ANK2: variants seen among roughly 807,000 people sequenced by gnomAD.
ANK2 encodes ankyrin-2.
ANK2 carries 83 observed loss-of-function variants against 360.5 expected under a neutral mutation model. The ratio of observed to expected loss-of-function variants is 0.23; its 90% CI spans 0.19 to 0.28. ANK2 has a LOEUF of 0.28. Ranked by LOEUF, ANK2 falls within the 10% of genes least tolerant of loss-of-function variation. The pLI is 1.00. For synonymous variants in ANK2, 1,740 were observed against 1,759.5 expected, an observed-to-expected ratio of 0.99 and a Z score of 0.28; for missense variants, 4,201 against 4,795.7, an observed-to-expected ratio of 0.88 and a Z score of 3.66.
At chr4:112,935,150 G>A (rs945935679) in intron 2 of ANK2, among the ~76,000 whole-genome samples, 7 of 150,458 alleles carry the variant, frequency 4.7e-5, no homozygotes, top group Non-Finnish European at 8.8e-5. Context: ...TGTGTGTAGG[G>A]TGCAGTTGGG....
the ANK2 span, among the ~76,000 whole-genome samples, chr4:112,779,365 A>G: frequency 2.0e-5 from 3 of 152,134 alleles, no homozygotes; most frequent in South Asian, 6.2e-4. Flanking sequence ...GAAAAATAGA[A>G]AAAATTAGCC....
chr4:113,070,971 T>C (rs1246107266), intron 1 of ANK2, among the ~76,000 whole-genome samples: 1 of 151,742 alleles, frequency 6.6e-6, no homozygotes, highest in African/African-American at 2.4e-5. Context: ...GTAATGGTGA[T>C]GGATAAAGGA....
In ANK2 at chr4:113,383,273, GGGA is replaced by G. The variant is rs1202152089; in HGVS notation, c.*1805_*1807del. ...TGCCAAGAGAAAAAATTTCCTGGGA[GGGA>G]GGTTTCCCACAAGCCAAATCTCCTA... On this transcript the variant is annotated 3_prime_UTR_variant, in exon 46 of 46. Transcript: ENST00000357077. The G allele has an allele frequency of 6.6e-6, 1 of 152,594 alleles. No individual in the cohort carries two copies. The highest frequency in any genetic ancestry group is 2.4e-5 in the African/African-American group (1 of 41,436). The allele number at this position is 152,594 out of a possible 1,614,324, so 9.5% of individuals were successfully genotyped here. A position where few individuals can be genotyped will look rare whatever the true frequency, so the allele number is the denominator to read the frequency against.
At chr4:112,915,669 C>T (rs1330898109) in intron 2 of ANK2, among the ~76,000 whole-genome samples, 2 of 151,740 alleles carry the variant, frequency 1.3e-5, no homozygotes, top group Non-Finnish European at 2.9e-5. Context: ...GTGGGAGGAG[C>T]CCTTGAGCCT....
At chr4:112,980,093 C>T (rs2042670106) in intron 2 of ANK2, 1 of 152,238 alleles carries the variant, frequency 6.6e-6, no homozygotes, top group South Asian at 2.1e-4. Context: ...CAGAGCTGCC[C>T]TCAGCCACTC....
At chr4:113,321,426 G>C (rs1328958615) in intron 26 of ANK2, among the ~76,000 whole-genome samples, 1 of 152,094 alleles carries the variant, frequency 6.6e-6, no homozygotes, top group Non-Finnish European at 1.5e-5. Context: ...TTTTTATTCA[G>C]GCAAATTATT....
At chr4:112,770,229 T>A in the ANK2 span, among the ~76,000 whole-genome samples, 1 of 152,298 alleles carries the variant, frequency 6.6e-6, no homozygotes, top group African/African-American at 2.4e-5. Flanking sequence ...TCCTCATCAG[T>A]TGGTCTCTCC....
intron 1 of ANK2, among the ~76,000 whole-genome samples, chr4:112,875,921 CTTTTTT>C (rs553724643): frequency 2.2e-5 from 3 of 134,428 alleles, no homozygotes; most frequent in Non-Finnish European, 4.9e-5. Context: ...TTTCTTTTTT[CTTTTTT>C]TTTTTTTTTT....
Position 113,217,931 on chromosome 4 carries a change from A to G in ANK2, c.385-14230A>G, listed in dbSNP as rs1160973930. Among the ~76,000 whole-genome samples, 3 of 147,638 alleles carry G rather than the reference A, an allele frequency of 2.0e-5. 1 individual carries two copies. In the East Asian group the frequency reaches 6.0e-4, roughly 30 times the overall value. On this transcript the variant is annotated intron_variant, in intron 4 of 45. Transcript: ENST00000357077. The stretch of plus-strand genomic sequence containing the variant: ...GTTAAGCAGCTGCTAAATATTGAGT[A>G]TATCACTTTTTGTGTAGTGTAATTG...
At chr4:112,761,405 G>A in the ANK2 span, among the ~76,000 whole-genome samples, 1 of 152,050 alleles carries the variant, frequency 6.6e-6, no homozygotes, top group Non-Finnish European at 1.5e-5. Context: ...TGGATCACGA[G>A]GTTAGGAGAT....
chr4:113,030,052 A>G (rs1322811714), intron 2 of ANK2, among the ~76,000 whole-genome samples: 5 of 152,138 alleles, frequency 3.3e-5, no homozygotes, highest in South Asian at 2.1e-4. Flanking sequence ...AAAAATGCAA[A>G]TTAAAAATCT....
chr4:113,201,063 C>T, intron 4 of ANK2, among the ~76,000 whole-genome samples: 1 of 151,838 alleles, frequency 6.6e-6, no homozygotes, highest in Non-Finnish European at 1.5e-5. Context: ...GTGAAGGTGT[C>T]GTTTTGACGT....
chr4:113,088,253 G>T (rs2085860709), intron 1 of ANK2, among the ~76,000 whole-genome samples: 1 of 152,176 alleles, frequency 6.6e-6, no homozygotes, highest in South Asian at 2.1e-4. Context: ...ACAGCACTGG[G>T]TCACTGGGAG....
intron 13 of ANK2, among the ~76,000 whole-genome samples, chr4:113,263,141 T>C (rs1175617245): frequency 7.3e-6 from 1 of 136,990 alleles, no homozygotes; most frequent in Non-Finnish European, 1.5e-5. Context: ...TGAGCCGAGA[T>C]CATGCCACTG....
chr4:112,958,118 G>A (rs1014814014), intron 2 of ANK2, among the ~76,000 whole-genome samples: 1 of 151,390 alleles, frequency 6.6e-6, no homozygotes, highest in Non-Finnish European at 1.5e-5. Context: ...AGACTGGGCA[G>A]CCAGGCAGAG....
intron 34 of ANK2, 101 bp downstream of exon 34, chr4:113,343,243 G>A (rs1430755060): frequency 1.5e-6 from 2 of 1,312,372 alleles, no homozygotes; most frequent in Non-Finnish European, 2.1e-6. Flanking sequence ...GTCATCTTCA[G>A]AGTTTTCTTT....
At chr4:112,903,591 C>T (rs996091064) in intron 1 of ANK2, among the ~76,000 whole-genome samples, 6 of 152,036 alleles carry the variant, frequency 3.9e-5, no homozygotes, top group Middle Eastern at 3.4e-3. Context: ...TTAATGATAC[C>T]AGAGGTGAAA....
chr4:113,092,313 C>T (rs1011236386), intron 1 of ANK2, among the ~76,000 whole-genome samples: 1 of 152,132 alleles, frequency 6.6e-6, no homozygotes, highest in African/African-American at 2.4e-5. Flanking sequence ...CTTCTGACTT[C>T]AAGGACTGAA....
chr4:113,370,513 A>G (rs1434373794), intron 43 of ANK2, among the ~76,000 whole-genome samples: 3 of 152,124 alleles, frequency 2.0e-5, no homozygotes, highest in African/African-American at 4.8e-5. Context: ...TAATCCCAGC[A>G]CTTTGGGAGG....
Sources: allele counts gnomAD v4.1 joint callset (sites outside exome capture counted in the v4.1 genomes callset), GRCh38; gene constraint gnomAD v4.1.1; transcripts MANE v1.5; gene names NCBI Gene and HGNC (gene_info 2026-07-23, HGNC 2026-07-21).